CDH18: variants seen among roughly 807,000 people sequenced by gnomAD.
CDH18 encodes the protein cadherin 18.
In CDH18, 31 loss-of-function variants were observed where a neutral mutation model predicts 67.9. That is an observed-to-expected ratio of 0.46 (90% CI 0.34 to 0.62). The LOEUF is 0.62. Among genes scored for constraint, CDH18 ranks in the 20% least tolerant of loss-of-function variants. The probability of loss-of-function intolerance (pLI) is 0.01; values close to 1 mark genes in which losing one functional copy is unlikely to be tolerated. For synonymous variants in CDH18, 362 were observed against 347.2 expected, an observed-to-expected ratio of 1.04 and a Z score of -0.48; for missense variants, 890 against 975.5, an observed-to-expected ratio of 0.91 and a Z score of 1.17.
intron 1 of CDH18, among the ~76,000 whole-genome samples, chr5:20,395,424 G>A (rs1193759428): frequency 6.6e-6 from 1 of 152,066 alleles, no homozygotes; most frequent in Non-Finnish European, 1.5e-5. Flanking sequence ...TGGTGTAATG[G>A]ACACTGGAGA....
intron 2 of CDH18, among the ~76,000 whole-genome samples, chr5:19,995,435 A>T (rs7713339): frequency 0.23 from 35,101 of 151,762 alleles, 6,716 homozygotes; most frequent in African/African-American, 0.52. Flanking sequence ...CAGCTAGGTA[A>T]AATATACATA....
At chr5:19,935,562 T>C (rs1794152592) in intron 2 of CDH18, among the ~76,000 whole-genome samples, 1 of 151,342 alleles carries the variant, frequency 6.6e-6, no homozygotes, top group Non-Finnish European at 1.5e-5. Context: ...CGTTATAGCC[T>C]AGGTGTGTAG....
intron 2 of CDH18, among the ~76,000 whole-genome samples, chr5:19,927,792 C>T (rs992106006): frequency 5.3e-5 from 8 of 151,916 alleles, no homozygotes; most frequent in Non-Finnish European, 8.8e-5. Flanking sequence ...CCCAGAATAC[C>T]AAACAACCAA....
At position 19,591,256 on chromosome 5, in the gene CDH18, T is replaced by G; in HGVS notation, c.812-12A>C. 6.5e-7 allele frequency: 1 copy of G among 1,542,914 alleles called. No individual in the cohort carries two copies. The highest frequency in any genetic ancestry group is 8.8e-7 in the Non-Finnish European group (1 of 1,141,542). On this transcript the variant is annotated splice_polypyrimidine_tract_variant and intron_variant, in intron 6 of 12. Transcript: ENST00000382275. The stretch of plus-strand genomic sequence containing the variant: ...TAGCTGATAGTGTTCTGGAAGACAT[T>G]TCATATTAAACATATTTAAATACAA...
intron 2 of CDH18, among the ~76,000 whole-genome samples, chr5:19,996,394 G>A (rs1736022616): frequency 6.6e-6 from 1 of 151,926 alleles, no homozygotes; most frequent in African/African-American, 2.4e-5. Context: ...CCAAGTTTTT[G>A]ATATAAACAA....
chr5:19,787,543 G>A (rs550224380), intron 3 of CDH18, among the ~76,000 whole-genome samples: 3 of 152,060 alleles, frequency 2.0e-5, no homozygotes, highest in Non-Finnish European at 4.4e-5. Flanking sequence ...CTATATGCAT[G>A]TGTTTCCATA....
At chr5:19,505,118 T>C (rs17282901) in intron 10 of CDH18, among the ~76,000 whole-genome samples, 5,769 of 152,178 alleles carry the variant, frequency 0.038, 140 homozygotes, top group Non-Finnish European at 0.058. Flanking sequence ...CATATGACAA[T>C]CGTGTTTTTT....
At chr5:19,603,841 A>T (rs1199768792) in intron 6 of CDH18, among the ~76,000 whole-genome samples, 1 of 149,116 alleles carries the variant, frequency 6.7e-6, no homozygotes, top group Non-Finnish European at 1.5e-5. Context: ...TAAATACATA[A>T]ATAAAATATA....
intron 2 of CDH18, among the ~76,000 whole-genome samples, chr5:19,891,968 C>T (rs190940969): frequency 7.9e-5 from 12 of 152,286 alleles, no homozygotes; most frequent in Admixed American, 7.9e-4. Flanking sequence ...GTCTTGCTGA[C>T]TTTTTATTTG....
At chr5:19,702,818 C>A (rs1385136875) in intron 5 of CDH18, among the ~76,000 whole-genome samples, 2 of 152,132 alleles carry the variant, frequency 1.3e-5, no homozygotes. Flanking sequence ...GGCACCCACA[C>A]TGAAGGTTGT....
intron 2 of CDH18, among the ~76,000 whole-genome samples, chr5:20,084,865 T>A (rs1031394914): frequency 1.2e-4 from 18 of 152,028 alleles, no homozygotes; most frequent in African/African-American, 4.3e-4. Flanking sequence ...AGCACAGGGA[T>A]GCTAGGCCCA....
chr5:19,781,401 T>G (rs1032146458), intron 3 of CDH18, among the ~76,000 whole-genome samples: 1 of 151,800 alleles, frequency 6.6e-6, no homozygotes, highest in Admixed American at 6.6e-5. Context: ...TATTAGAAAA[T>G]GGAAATATGT....
chr5:20,413,226 G>A (rs1033510759), intron 1 of CDH18, among the ~76,000 whole-genome samples: 1 of 152,184 alleles, frequency 6.6e-6, no homozygotes, highest in African/African-American at 2.4e-5. Context: ...GGACATTTGG[G>A]TTGGTTCCAA....
chr5:20,496,099 G>A (rs1309928759), intron 1 of CDH18, among the ~76,000 whole-genome samples: 1 of 152,116 alleles, frequency 6.6e-6, no homozygotes, highest in Non-Finnish European at 1.5e-5. Context: ...TTAAGACTGT[G>A]ATGAAATAGA....
rs559253995 is a variant in CDH18, at chr5:20,256,010, A to G, written c.-579-505T>C. 3.9e-5 allele frequency among the ~76,000 whole-genome samples: 6 copies of G among 152,110 alleles called. No individual in the cohort carries two copies. In the East Asian group the frequency reaches 1.2e-3, roughly 29 times the overall value. On this transcript the variant is annotated intron_variant, in intron 1 of 14. Coordinates refer to the CDH18 transcript ENST00000507958. ...AATAGAAATCCAAGAAACAAGGTTCAGTATAACCTAAAGTATAATATGATT... is the reference window on the plus strand; with the variant it reads ...AATAGAAATCCAAGAAACAAGGTTCGGTATAACCTAAAGTATAATATGATT...
At chr5:20,138,822 A>G (rs1397951693) in intron 2 of CDH18, among the ~76,000 whole-genome samples, 2 of 152,198 alleles carry the variant, frequency 1.3e-5, no homozygotes, top group Non-Finnish European at 2.9e-5. Flanking sequence ...AGAGGACACA[A>G]GCAAATGGAA....
intron 2 of CDH18, among the ~76,000 whole-genome samples, chr5:20,064,818 C>A (rs928198006): frequency 6.6e-6 from 1 of 152,014 alleles, no homozygotes; most frequent in Admixed American, 6.6e-5. Flanking sequence ...CTGTGTGAAA[C>A]AATTGAGATA....
At chr5:20,186,554 G>A (rs566830000) in intron 2 of CDH18, among the ~76,000 whole-genome samples, 6 of 152,028 alleles carry the variant, frequency 3.9e-5, no homozygotes, top group Admixed American at 3.9e-4. Flanking sequence ...CACATGGAAA[G>A]TTCTTCAATG....
chr5:20,109,303 G>A (rs1290105686), intron 2 of CDH18, among the ~76,000 whole-genome samples: 2 of 152,170 alleles, frequency 1.3e-5, no homozygotes, highest in African/African-American at 2.4e-5. Flanking sequence ...ATGCTCTGAC[G>A]AGAGACACAG....
Sources: allele counts gnomAD v4.1 joint callset (sites outside exome capture counted in the v4.1 genomes callset), GRCh38; gene constraint gnomAD v4.1.1; transcripts MANE v1.5; gene names NCBI Gene and HGNC (gene_info 2026-07-23, HGNC 2026-07-21).